The following PROX2 variants were observed in gnomAD, a reference collection of about 807,000 sequenced individuals.
PROX2 encodes prospero homeobox 2, also known as prospero homeobox protein 2.
Under a neutral mutation model 48.9 loss-of-function variants are expected in PROX2, and 46 were observed. That is an observed-to-expected ratio of 0.94 (90% CI 0.74 to 1.20). The LOEUF (loss-of-function observed/expected upper bound fraction) is 1.20. PROX2 is among the 50% of genes most tolerant of loss of function. The probability of loss-of-function intolerance (pLI) is 0.00; values close to 1 mark genes in which losing one functional copy is unlikely to be tolerated. For missense variants in PROX2, 663 were observed against 719.4 expected, an observed-to-expected ratio of 0.92 and a Z score of 0.90; for synonymous variants, 260 against 276.6, an observed-to-expected ratio of 0.94 and a Z score of 0.60.
rs188084626 is a variant in PROX2, at chr14:74,862,617, C to T, written c.1218G>A (p.Leu406=). Residue 406 remains leucine, a synonymous_variant, in exon 3 of 6, where the codon CTG becomes CTA. Coordinates refer to ENST00000556489, the MANE Select transcript of PROX2 (RefSeq NM_001243007.2). The part of the protein sequence containing the change: ...QCPLPFTSAH[L]ESLPLLPSVK... Reference sequence around the variant, plus strand: ...CCGAGGGAAGAAGGGGTAGACTTTCCAGATGGGCAGAGGTGAAAGGCAAGG... The same window carrying T: ...CCGAGGGAAGAAGGGGTAGACTTTCTAGATGGGCAGAGGTGAAAGGCAAGG... 7.6e-5 allele frequency: 123 copies of T among 1,613,868 alleles called. No individual in the cohort carries two copies. The highest frequency in any genetic ancestry group is 1.0e-4 in the Non-Finnish European group (121 of 1,179,902).
intron 1 of PROX2, among the ~76,000 whole-genome samples, chr14:74,873,314 C>T (rs543570358): frequency 6.6e-5 from 10 of 152,276 alleles, no homozygotes; most frequent in Admixed American, 6.5e-4. Flanking sequence ...TGAACTTACA[C>T]AAATTAACTC....
intron 2 of PROX2, among the ~76,000 whole-genome samples, chr14:74,868,078 C>G (rs1883109783): frequency 1.3e-5 from 2 of 152,144 alleles, no homozygotes; most frequent in South Asian, 4.2e-4. Flanking sequence ...CTAGCACTCT[C>G]ATATTCACTG....
rs2091733825 is a variant in PROX2, at chr14:74,855,224, C to G, written c.1687G>C (p.Asp563His). The G allele has an allele frequency of 6.3e-7, 1 of 1,596,152 alleles. No homozygotes were observed. Among genetic ancestry groups the G allele is most frequent in the Non-Finnish European group, 8.6e-7 (1 of 1,168,442 alleles). The change falls in exon 6 of 6, where the codon GAT becomes CAT. Residue 563 changes from aspartate (D) to histidine (H), a missense_variant. Coordinates refer to ENST00000556489, the MANE Select transcript of PROX2 (RefSeq NM_001243007.2). Reference sequence around the variant, plus strand: ...TAAATGGGTTTCTTCCAGGAAGGATCTGAGTCTCTCCCTGCGGAGACAGCC... The same window carrying G: ...TAAATGGGTTTCTTCCAGGAAGGATGTGAGTCTCTCCCTGCGGAGACAGCC... ...FRAVSAGRDS[D>H]PSWKKPIYKI...
rs759506818 is a variant in PROX2, at chr14:74,863,718, C to T, written c.117G>A (p.Pro39=). 3.9e-6 allele frequency: 6 copies of T among 1,532,408 alleles called. No individual in the cohort carries two copies. In the African/African-American group the frequency reaches 5.5e-5, roughly 14 times the overall value. 94.9% of individuals were successfully genotyped at this position (1,532,408 alleles called of 1,614,324 possible). A position where few individuals can be genotyped will look rare whatever the true frequency, so the allele number is the denominator to read the frequency against. ...AGCTGGGGACCTGACTCCAGGGAAA[C>T]GGGGAGTCTCTATCCAGCTCTGGAG... ...SSPPELDRDS[P]FPWSQVPSSS... is the part of the protein sequence containing the mutation. The change falls in exon 3 of 6, where the codon CCG becomes CCA. Residue 39 remains proline, a synonymous_variant. Transcript: ENST00000556489.
At chr14:74,858,606 C>A in intron 3 of PROX2, 92 bp from the exon 4 acceptor site, 2 of 736,738 alleles carry the variant, frequency 2.7e-6, no homozygotes, top group South Asian at 1.9e-5. Context: ...TATTTGATTT[C>A]ATTTTGTTTT....
intron 3 of PROX2, among the ~76,000 whole-genome samples, chr14:74,861,421 A>G (rs551988525): frequency 6.6e-6 from 1 of 152,332 alleles, no homozygotes; most frequent in South Asian, 2.1e-4. Flanking sequence ...TACTCATGTT[A>G]AAGGCTCTGA....
At chr14:74,870,036 A>G (rs1402853450) in intron 2 of PROX2, among the ~76,000 whole-genome samples, 1 of 152,174 alleles carries the variant, frequency 6.6e-6, no homozygotes, top group Non-Finnish European at 1.5e-5. Context: ...ATATTATGCA[A>G]CCGTTTTGAA....
chr14:74,871,641 G>A (rs186316738), intron 1 of PROX2, among the ~76,000 whole-genome samples: 12 of 152,232 alleles, frequency 7.9e-5, no homozygotes, highest in Non-Finnish European at 1.8e-4. Flanking sequence ...AGATGTGGTG[G>A]CACCTGTCTG....
Position 74,863,080 on chromosome 14 carries a change from T to C in PROX2, c.755A>G (p.His252Arg), listed in dbSNP as rs2091810254. Residue 252 changes from histidine (H) to arginine (R), a missense_variant, in exon 3 of 6, where the codon CAC becomes CGC. By Grantham distance (29) the His-to-Arg change is conservative. Transcript: ENST00000556489. The stretch of plus-strand genomic sequence containing the variant: ...GAAGCTTCTGCCCAGCTGAGTCAGG[T>C]GGCCTGGTGGATCCAATAGTACCTT... The part of the protein sequence containing the change: ...LQKVLLDPPG[H>R]LTQLGRSFQG... The C allele has an allele frequency of 6.2e-7, 1 of 1,613,838 alleles. No individual in the cohort carries two copies. Among genetic ancestry groups the C allele is most frequent in the African/African-American group, 1.3e-5 (1 of 74,924 alleles).
intron 2 of PROX2, among the ~76,000 whole-genome samples, chr14:74,865,796 C>A (rs1399852679): frequency 6.7e-6 from 1 of 149,288 alleles, no homozygotes; most frequent in East Asian, 2.0e-4. Context: ...ACACCACTGC[C>A]CTCCAGCCTG....
chr14:74,855,244 A>G lies in PROX2; in HGVS notation c.1667T>C (p.Val556Ala), dbSNP rs748641409. The G allele has an allele frequency of 5.7e-6, 9 of 1,590,936 alleles. No homozygotes were observed. In the South Asian group the frequency reaches 9.2e-5, roughly 16 times the overall value. ...AGGATCTGAGTCTCTCCCTGCGGAG[A>G]CAGCCCTGAAGAACTCCTGTAACGT... is the stretch of plus-strand genomic sequence containing the variant. ...SLTLQEFFRA[V>A]SAGRDSDPSW... is the part of the protein sequence containing the mutation. The change falls in exon 6 of 6, where the codon GTC becomes GCC. Residue 556 changes from valine to alanine, a missense_variant. Val to Ala is a moderately conservative substitution (Grantham distance 64, BLOSUM62 0). Coordinates refer to ENST00000556489, the MANE Select transcript of PROX2 (RefSeq NM_001243007.2).
chr14:74,859,508 G>A (rs1168431746), intron 3 of PROX2: 1 of 152,188 alleles, frequency 6.6e-6, no homozygotes, highest in African/African-American at 2.4e-5. Context: ...ACCTCACTCT[G>A]GGAACAGACA....
At chr14:74,872,912 G>A (rs1011877389) in intron 1 of PROX2, among the ~76,000 whole-genome samples, 1 of 152,244 alleles carries the variant, frequency 6.6e-6, no homozygotes, top group Non-Finnish European at 1.5e-5. Flanking sequence ...AGCCCTGGTG[G>A]TCTGCATCAA....
At chr14:74,858,167 GT>G in intron 4 of PROX2, 1 of 387,546 alleles carries the variant, frequency 2.6e-6, no homozygotes, top group Admixed American at 4.2e-5. Context: ...ATGTGTTTCT[GT>G]TTTGGGGATT....
At chr14:74,862,294 C>T (rs1327485713) in intron 3 of PROX2, among the ~76,000 whole-genome samples, 10 of 152,240 alleles carry the variant, frequency 6.6e-5, no homozygotes, top group Non-Finnish European at 1.0e-4. Context: ...CTCGAACTCC[C>T]GGGCTCAAGC....
intron 1 of PROX2, among the ~76,000 whole-genome samples, chr14:74,872,188 C>T (rs1883232366): frequency 6.6e-6 from 1 of 152,214 alleles, no homozygotes; most frequent in Admixed American, 6.5e-5. Context: ...CCTCGTGAAG[C>T]CCAAGAGATG....
Position 74,863,880 on chromosome 14 carries a change from C to G in PROX2, c.-46G>C. ...TTCAGGAATTCCTCCTCCTTATTTC[C>G]TCAGCTGGAAGTGCACCCAGAATGC... On this transcript the variant is annotated 5_prime_UTR_variant, in exon 3 of 6. Transcript: ENST00000556489. 1 of 1,445,076 alleles carries G rather than the reference C, an allele frequency of 6.9e-7. No homozygotes were observed. Among genetic ancestry groups the G allele is most frequent in the East Asian group, 2.5e-5 (1 of 40,674 alleles). 89.5% of individuals were successfully genotyped at this position (1,445,076 alleles called of 1,614,324 possible). A position where few individuals can be genotyped will look rare whatever the true frequency, so the allele number is the denominator to read the frequency against.
chr14:74,873,667 AT>A, intron 1 of PROX2: 1 of 373,426 alleles, frequency 2.7e-6, no homozygotes, highest in South Asian at 2.5e-5. Flanking sequence ...GAGAGTCCAT[AT>A]TTTTAAAAAA....
chr14:74,870,413 A>G (rs1016454001), intron 2 of PROX2, among the ~76,000 whole-genome samples: 20 of 149,194 alleles, frequency 1.3e-4, no homozygotes, highest in African/African-American at 4.7e-4. Context: ...CAACAGAGGG[A>G]AAGCCTGCCT....
Sources: gnomAD v4.1 joint callset for allele counts (sites outside exome capture counted in the v4.1 genomes callset) on GRCh38, gnomAD v4.1.1 for gene constraint, MANE v1.5 for transcripts, NCBI Gene and HGNC (gene_info 2026-07-23, HGNC 2026-07-21) for gene names.